The following EDC3 variants were observed in gnomAD, a reference collection of about 807,000 sequenced individuals.
The protein encoded by EDC3 is enhancer of mRNA decapping 3, also known as enhancer of mRNA-decapping protein 3.
Under a neutral mutation model 41.8 loss-of-function variants are expected in EDC3, and 20 were observed. The ratio of observed to expected loss-of-function variants is 0.48; its 90% confidence interval spans 0.34 to 0.70. EDC3 has a LOEUF of 0.70. Ranked by LOEUF, EDC3 falls within the 30% of genes least tolerant of loss-of-function variation. The pLI, the probability that EDC3 is intolerant of heterozygous loss-of-function variation, is 0.01. For missense variants in EDC3, 444 were observed against 636.8 expected (o/e 0.70, Z 3.26); for synonymous variants, 206 against 243.2 (o/e 0.85, Z 1.42).
At chr15:74,655,627 A>G in intron 4 of EDC3, 106 bp downstream of exon 4, 2 of 1,172,306 alleles carry the variant, frequency 1.7e-6, no homozygotes, top group Non-Finnish European at 2.4e-6. Flanking sequence ...AGCCACTTAA[A>G]TTAATTCCTA....
chr15:74,632,581 G>T lies in EDC3; in HGVS notation c.*31C>A. 6.2e-7 allele frequency: 1 copy of T among 1,601,010 alleles called. No homozygotes were observed. Among genetic ancestry groups the T allele is most frequent in the Non-Finnish European group, 8.5e-7 (1 of 1,171,020 alleles). On this transcript the variant is annotated 3_prime_UTR_variant, in exon 7 of 7. Coordinates refer to ENST00000315127, the MANE Select transcript of EDC3 (RefSeq NM_025083.5). The surrounding 1 kb of genome is among the most constrained non-coding windows in gnomAD (Gnocchi z 4.0). ...GCGTTTGTTATCAGGAGCAGCAGGG[G>T]ACAGCAGAGTCCTGCCTGCGCAGGA...
In EDC3 at chr15:74,659,487, A is replaced by AATATATATATATATAT. The variant is rs10601683; in HGVS notation, c.485-3435_485-3420dup. Among the ~76,000 whole-genome samples the AATATATATATATATAT allele has an allele frequency of 1.4e-3, 206 of 142,126 alleles. 3 individuals are homozygous for AATATATATATATATAT. Among genetic ancestry groups the AATATATATATATATAT allele is most frequent in the African/African-American group, 5.0e-3 (191 of 37,986 alleles). The allele number at this position is 142,126 out of a possible 152,430, so 93.2% of individuals were successfully genotyped here. On this transcript the variant is annotated intron_variant, in intron 3 of 6. Transcript: ENST00000315127. ...AAAAAATAAATAAATAAAAAATAGA[A>AATATATATATATATAT]ATATATATATATATATATATATATA...
In EDC3 at chr15:74,634,096, C is replaced by A. The variant is rs536658934; in HGVS notation, c.1193-1150G>T. Among the ~76,000 whole-genome samples, 5 of 152,302 alleles carry A rather than the reference C, an allele frequency of 3.3e-5. No homozygotes were observed. In the East Asian group the frequency reaches 9.6e-4, roughly 29 times the overall value. ...CTTCTCCCTGCTGTTCTCATTTAAA[C>A]CCATTCCAGTCAGACTCTGTCCCTA... is the stretch of plus-strand genomic sequence containing the variant. On this transcript the variant is annotated intron_variant, in intron 6 of 6. Coordinates refer to ENST00000315127, the MANE Select transcript of EDC3 (RefSeq NM_025083.5).
Position 74,671,785 on chromosome 15 carries a change from CA to C in EDC3, c.165-12del, listed in dbSNP as rs1244635715. The C allele has an allele frequency of 6.2e-7, 1 of 1,606,572 alleles. No individual in the cohort carries two copies. The highest frequency in any genetic ancestry group is 8.5e-7 in the Non-Finnish European group (1 of 1,176,084). On this transcript the variant is annotated splice_polypyrimidine_tract_variant and intron_variant, in intron 2 of 6. Transcript: ENST00000315127. The surrounding 1 kb of genome is among the most constrained non-coding windows in gnomAD (Gnocchi z 4.6). ...GTAATGTCACCTGCCCTGAAATACA[CA>C]AAAAAGCCAAGTCTCAAAATTATAA...
rs1324351660 is a variant in EDC3, at chr15:74,645,566, G to GA, written c.821-4948_821-4947insT. Among the ~76,000 whole-genome samples, 3 of 76,894 alleles carry GA rather than the reference G, an allele frequency of 3.9e-5. No homozygotes were observed. The South Asian group carries it at 2.3e-3, about 59-fold the overall frequency. 50.4% of individuals were successfully genotyped at this position (76,894 alleles called of 152,430 possible). On this transcript the variant is annotated intron_variant, in intron 4 of 6. Transcript: ENST00000315127. The stretch of plus-strand genomic sequence containing the variant: ...AAATTTTTTTCAATAAAAAAAGTTG[G>GA]GGGGGGGGGGGTGCCAGGCAGGTGG...
chr15:74,663,820 T>C (rs2062649084), intron 3 of EDC3, among the ~76,000 whole-genome samples: 1 of 152,080 alleles, frequency 6.6e-6, no homozygotes, highest in Non-Finnish European at 1.5e-5. Context: ...GTAAAGTTCG[T>C]TCACAGCATG....
intron 5 of EDC3, chr15:74,637,975 C>A (rs901653903): frequency 3.3e-5 from 5 of 152,230 alleles, no homozygotes; most frequent in Admixed American, 2.6e-4. Flanking sequence ...ACTCCAGACA[C>A]CACTCTCCCA....
chr15:74,692,249 G>A (rs2063016600), intron 1 of EDC3, among the ~76,000 whole-genome samples: 1 of 152,040 alleles, frequency 6.6e-6, no homozygotes, highest in South Asian at 2.1e-4. Flanking sequence ...AAAATTCTGT[G>A]GGAAAAGTGG....
intron 3 of EDC3, among the ~76,000 whole-genome samples, chr15:74,658,699 G>A (rs942985490): frequency 1.1e-4 from 16 of 149,478 alleles, no homozygotes; most frequent in African/African-American, 3.9e-4. Context: ...CCAGCACTTT[G>A]GGAGGCCGAG....
At chr15:74,651,049 G>GT (rs2062474874) in intron 4 of EDC3, among the ~76,000 whole-genome samples, 2 of 152,154 alleles carry the variant, frequency 1.3e-5, no homozygotes, top group Admixed American at 1.3e-4. Context: ...TCTTATGAGT[G>GT]TTGAATAAAG....
intron 1 of EDC3, among the ~76,000 whole-genome samples, chr15:74,680,422 T>C (rs1436054767): frequency 6.6e-6 from 1 of 151,992 alleles, no homozygotes; most frequent in Non-Finnish European, 1.5e-5. Flanking sequence ...GACACAGAAA[T>C]GCATTTGACA....
At chr15:74,678,159 A>C (rs2062827361) in intron 1 of EDC3, among the ~76,000 whole-genome samples, 1 of 152,136 alleles carries the variant, frequency 6.6e-6, no homozygotes. Flanking sequence ...TTGATACTAT[A>C]ATGGTAGATA....
chr15:74,685,492 A>C (rs1283890251), intron 1 of EDC3, among the ~76,000 whole-genome samples: 1 of 152,228 alleles, frequency 6.6e-6, no homozygotes, highest in Non-Finnish European at 1.5e-5. Flanking sequence ...TCAGTCAATA[A>C]GAGTGCCTAG....
At position 74,632,132 on chromosome 15, in the gene EDC3, G is replaced by A; in HGVS notation, c.*480C>T. On this transcript the variant is annotated 3_prime_UTR_variant, in exon 7 of 7. Coordinates refer to ENST00000315127, the MANE Select transcript of EDC3 (RefSeq NM_025083.5). This position sits in a 1 kb window ranked among gnomAD's most constrained non-coding sequence, Gnocchi z 4.0. The stretch of plus-strand genomic sequence containing the variant: ...GGACATGAATGGAGAGTGCAGGTCT[G>A]CCCTCTGGTGGACAGCTGCCGTGCA... 1 of 197,616 alleles carries A rather than the reference G, an allele frequency of 5.1e-6. No individual in the cohort carries two copies. The highest frequency in any genetic ancestry group is 1.1e-5 in the Non-Finnish European group (1 of 94,138). The allele number at this position is 197,616 out of a possible 1,614,324, so 12.2% of individuals were successfully genotyped here.
rs7497342 is a variant in EDC3, at chr15:74,655,722, A to G, written c.820+11T>C. 0.2 allele frequency: 325,645 copies of G among 1,591,148 alleles called. 46,381 individuals are homozygous for G. The highest frequency in any genetic ancestry group is 0.55 in the African/African-American group (40,894 of 74,228). On this transcript the variant is annotated intron_variant, in intron 4 of 6. Coordinates refer to ENST00000315127, the MANE Select transcript of EDC3 (RefSeq NM_025083.5). The stretch of plus-strand genomic sequence containing the variant: ...AGCAACCAGCAGGATGTGGGACCTG[A>G]TGCAACTCACCCGTGCAGAACTCCT...
chr15:74,690,006 T>C (rs2062987475), intron 1 of EDC3, among the ~76,000 whole-genome samples: 1 of 152,166 alleles, frequency 6.6e-6, no homozygotes, highest in African/African-American at 2.4e-5. Context: ...AAAAAATACA[T>C]CTTCCCTGTA....
At chr15:74,634,784 C>T (rs974735714) in intron 6 of EDC3, among the ~76,000 whole-genome samples, 1 of 152,236 alleles carries the variant, frequency 6.6e-6, no homozygotes, top group Admixed American at 6.5e-5. Flanking sequence ...ATGATCACAA[C>T]AGCATCTTGA....
At chr15:74,648,885 T>G (rs1263461192) in intron 4 of EDC3, among the ~76,000 whole-genome samples, 2 of 152,056 alleles carry the variant, frequency 1.3e-5, no homozygotes, top group Non-Finnish European at 2.9e-5. Context: ...GGCTCATGAA[T>G]AGAGAATTTA....
intron 4 of EDC3, among the ~76,000 whole-genome samples, chr15:74,647,007 CTTT>C (rs573421456): frequency 6.0e-5 from 8 of 134,210 alleles, no homozygotes; most frequent in Admixed American, 1.5e-4. Flanking sequence ...CTTTCCAGAC[CTTT>C]TTTTTTTTTT....
Sources: allele counts gnomAD v4.1 joint callset (sites outside exome capture counted in the v4.1 genomes callset), GRCh38; gene constraint gnomAD v4.1.1; non-coding constraint Gnocchi (gnomAD v3.1); transcripts MANE v1.5; gene names NCBI Gene and HGNC (gene_info 2026-07-23, HGNC 2026-07-21).